Variants in WDR70 observed in about 807,000 individuals in gnomAD.
The protein encoded by WDR70 is WD repeat domain 70.
Under a neutral mutation model 88.6 loss-of-function variants are expected in WDR70, and 53 were observed. The ratio of observed to expected loss-of-function variants is 0.60; its 90% CI spans 0.48 to 0.75. The LOEUF is 0.75. WDR70 is among the 30% of genes least tolerant of loss of function. WDR70 has a pLI of 0.00. For synonymous variants in WDR70, 280 were observed against 270.0 expected (o/e 1.04, Z -0.36); for missense variants, 610 against 823.2 (o/e 0.74, Z 3.17).
intron 10 of WDR70, among the ~76,000 whole-genome samples, chr5:37,645,362 T>C (rs1581461376): frequency 6.6e-6 from 1 of 152,198 alleles, no homozygotes. Flanking sequence ...TGTATGATAT[T>C]ATTTCAATTT....
At chr5:37,715,337 C>CAAAA (rs138965709) in intron 13 of WDR70, among the ~76,000 whole-genome samples, 1 of 112,994 alleles carries the variant, frequency 8.9e-6, no homozygotes, top group African/African-American at 3.7e-5. Context: ...AGATTTCTGG[C>CAAAA]AAAAAAAAAA....
chr5:37,389,463 T>C (rs551304891), intron 3 of WDR70, among the ~76,000 whole-genome samples: 2 of 151,920 alleles, frequency 1.3e-5, no homozygotes, highest in East Asian at 3.9e-4. Context: ...CAGGCTGGAG[T>C]GCAGTGGTGC....
chr5:37,550,990 CAACA>C (rs2112348513), intron 9 of WDR70, among the ~76,000 whole-genome samples: 1 of 152,168 alleles, frequency 6.6e-6, no homozygotes, highest in Admixed American at 6.5e-5. Flanking sequence ...ATAAACAAAT[CAACA>C]AACAAGCAAA....
intron 5 of WDR70, among the ~76,000 whole-genome samples, chr5:37,418,110 A>G (rs1272274423): frequency 1.3e-5 from 2 of 152,232 alleles, no homozygotes; most frequent in Non-Finnish European, 2.9e-5. Context: ...TTTTGAAAAA[A>G]TTGAAGTTTC....
chr5:37,606,295 G>A (rs576943170), intron 10 of WDR70, among the ~76,000 whole-genome samples: 47 of 152,156 alleles, frequency 3.1e-4, no homozygotes, highest in African/African-American at 1.0e-3. Context: ...TTTTATTTCT[G>A]TTTTCATCTC....
chr5:37,515,876 A>G lies in WDR70; in HGVS notation c.841-638A>G, dbSNP rs138240634. ...ATGTGTGTGTTTATGTTTGCTATGTACTCTAGTTGATTTGGTGTATATGTC... is the reference window on the plus strand; with the variant it reads ...ATGTGTGTGTTTATGTTTGCTATGTGCTCTAGTTGATTTGGTGTATATGTC... On this transcript the variant is annotated intron_variant, in intron 8 of 17. Coordinates refer to ENST00000265107, the MANE Select transcript of WDR70 (RefSeq NM_018034.4). 2.1e-4 allele frequency among the ~76,000 whole-genome samples: 32 copies of G among 152,082 alleles called. 1 individual carries two copies.
chr5:37,711,348 A>G (rs1173426379), intron 13 of WDR70, among the ~76,000 whole-genome samples: 1 of 152,162 alleles, frequency 6.6e-6, no homozygotes, highest in Non-Finnish European at 1.5e-5. Flanking sequence ...GCACACTACG[A>G]CGTAACTCTC....
At position 37,724,959 on chromosome 5, in the gene WDR70, G is replaced by A. The variant is rs1163942299; in HGVS notation, c.1623G>A (p.Glu541=). Reference sequence around the variant, plus strand: ...CTCATGCCTTGCCTATGTTCCGTGAGCCCCGCCAACGGAGTACAAGGAAAC... The same window carrying A: ...CTCATGCCTTGCCTATGTTCCGTGAACCCCGCCAACGGAGTACAAGGAAAC... ...ITPHALPMFR[E]PRQRSTRKQL... Residue 541 remains glutamate (E), a synonymous_variant, in exon 16 of 18, where the codon GAG becomes GAA. Transcript: ENST00000265107. 1 of 1,613,614 alleles carries A rather than the reference G, an allele frequency of 6.2e-7. No homozygotes were observed. Among genetic ancestry groups the A allele is most frequent in the Admixed American group, 1.7e-5 (1 of 59,968 alleles).
chr5:37,518,134 C>T (rs1005443131), intron 9 of WDR70, among the ~76,000 whole-genome samples: 9 of 151,810 alleles, frequency 5.9e-5, no homozygotes, highest in African/African-American at 2.2e-4. Context: ...AGGCTGGTCA[C>T]GAACTCCTGA....
At chr5:37,431,299 T>C (rs989255987) in intron 5 of WDR70, among the ~76,000 whole-genome samples, 9 of 152,212 alleles carry the variant, frequency 5.9e-5, no homozygotes, top group Admixed American at 2.6e-4. Flanking sequence ...AAGAGTGACG[T>C]CAGGGCTTTG....
intron 9 of WDR70, among the ~76,000 whole-genome samples, chr5:37,547,316 A>G (rs936586623): frequency 2.6e-5 from 4 of 152,156 alleles, no homozygotes; most frequent in Non-Finnish European, 5.9e-5. Flanking sequence ...CATAAAGTTA[A>G]AATATCTCTT....
chr5:37,614,500 G>A (rs1324904090), intron 10 of WDR70, among the ~76,000 whole-genome samples: 1 of 152,118 alleles, frequency 6.6e-6, no homozygotes, highest in African/African-American at 2.4e-5. Context: ...GTATTACTCA[G>A]CCTATCATAA....
At chr5:37,500,743 G>C (rs1361596559) in intron 8 of WDR70, among the ~76,000 whole-genome samples, 1 of 7,162 alleles carries the variant, frequency 1.4e-4, no homozygotes, top group African/African-American at 4.0e-4. Context: ...TTTTTTTTTT[G>C]AGACAGAGTT....
At chr5:37,499,863 C>A (rs1209822274) in intron 8 of WDR70, among the ~76,000 whole-genome samples, 1 of 152,220 alleles carries the variant, frequency 6.6e-6, no homozygotes, top group East Asian at 1.9e-4. Flanking sequence ...TCTGTTCATT[C>A]ACCTTGTAAA....
chr5:37,512,282 G>T lies in WDR70; in HGVS notation c.841-4232G>T, dbSNP rs553657408. ...ATGTTGCCCAGGCTGGAGTGTAGTG[G>T]TGTGATCTCAGTTCACTGCAGTCTC... On this transcript the variant is annotated intron_variant, in intron 8 of 17. Coordinates refer to ENST00000265107, the MANE Select transcript of WDR70 (RefSeq NM_018034.4). Among the ~76,000 whole-genome samples the T allele has an allele frequency of 2.0e-5, 3 of 151,966 alleles. No individual in the cohort carries two copies. In the South Asian group the frequency reaches 6.2e-4, roughly 32 times the overall value.
intron 5 of WDR70, among the ~76,000 whole-genome samples, chr5:37,407,076 G>A (rs1457728985): frequency 4.6e-5 from 7 of 152,172 alleles, no homozygotes; most frequent in Non-Finnish European, 1.0e-4. Flanking sequence ...ATAATTAGGT[G>A]TAGTCCAGGA....
chr5:37,510,578 C>T (rs1517789), intron 8 of WDR70, among the ~76,000 whole-genome samples: 65,087 of 152,100 alleles, frequency 0.43, 15,540 homozygotes, highest in Non-Finnish European at 0.54. Context: ...GACTACCAGG[C>T]ACAAGTTACC....
At chr5:37,416,437 G>A (rs1179803124) in intron 5 of WDR70, among the ~76,000 whole-genome samples, 1 of 152,134 alleles carries the variant, frequency 6.6e-6, no homozygotes, top group Non-Finnish European at 1.5e-5. Context: ...CAGGGAGGTT[G>A]CAGTGAGCCG....
rs568017903 is a variant in WDR70, at chr5:37,753,401, A to G, written c.*828A>G. ...ATAGAATTGCTTTGTAAATGTAAAG[A>G]CTAAACAGAAGACATTAAAAATTAT... is the stretch of plus-strand genomic sequence containing the variant. On this transcript the variant is annotated 3_prime_UTR_variant, in exon 18 of 18. Coordinates refer to ENST00000265107, the MANE Select transcript of WDR70 (RefSeq NM_018034.4). 6.6e-6 allele frequency: 1 copy of G among 152,354 alleles called. No homozygotes were observed. Among genetic ancestry groups the G allele is most frequent in the Admixed American group, 6.5e-5 (1 of 15,308 alleles). 9.4% of individuals were successfully genotyped at this position (152,354 alleles called of 1,614,324 possible). A position where few individuals can be genotyped will look rare whatever the true frequency, so the allele number is the denominator to read the frequency against.
Sources: allele counts gnomAD v4.1 joint callset (sites outside exome capture counted in the v4.1 genomes callset), GRCh38; gene constraint gnomAD v4.1.1; transcripts MANE v1.5; gene names NCBI Gene and HGNC (gene_info 2026-07-23, HGNC 2026-07-21).